Variants in HDAC9 observed in about 807,000 individuals in gnomAD.
HDAC9 encodes histone deacetylase 9.
In HDAC9, 41 loss-of-function variants were observed where a neutral mutation model predicts 139.4. That is an observed-to-expected ratio of 0.29 (90% CI 0.23 to 0.38). HDAC9 has a LOEUF of 0.38. HDAC9 is among the 10% of genes least tolerant of loss of function. The probability of loss-of-function intolerance (pLI) is 1.00; values close to 1 mark genes in which losing one functional copy is unlikely to be tolerated. For missense variants in HDAC9, 1,147 were observed against 1,297.0 expected, an observed-to-expected ratio of 0.88 and a Z score of 1.78; for synonymous variants, 517 against 476.2, an observed-to-expected ratio of 1.09 and a Z score of -1.12.
intron 1 of HDAC9, among the ~76,000 whole-genome samples, chr7:18,133,519 T>C (rs1785161140): frequency 6.6e-6 from 1 of 152,176 alleles, no homozygotes; most frequent in African/African-American, 2.4e-5. Context: ...CAGTGTGTGA[T>C]GTCTGTTTTT....
chr7:18,945,700 G>C (rs974016931), intron 23 of HDAC9, among the ~76,000 whole-genome samples: 3 of 152,052 alleles, frequency 2.0e-5, no homozygotes, highest in African/African-American at 7.2e-5. Flanking sequence ...AGGTTTGTTT[G>C]TTTCAATGTG....
At chr7:18,535,722 CAAAAAAAAAAAAAA>C (rs72123660) in intron 2 of HDAC9, among the ~76,000 whole-genome samples, 2 of 49,246 alleles carry the variant, frequency 4.1e-5, no homozygotes, top group Admixed American at 3.1e-4. Context: ...AGGCATTAAG[CAAAAAAAAAAAAAA>C]AAAAAAAAAA....
intron 1 of HDAC9, among the ~76,000 whole-genome samples, chr7:18,333,158 T>C (rs531517575): frequency 6.6e-6 from 1 of 151,594 alleles, no homozygotes; most frequent in African/African-American, 2.4e-5. Flanking sequence ...GAACAAGCCA[T>C]TAAAAACTAC....
intron 12 of HDAC9, among the ~76,000 whole-genome samples, chr7:18,688,516 G>T (rs527842057): frequency 2.0e-5 from 3 of 151,886 alleles, no homozygotes; most frequent in African/African-American, 7.2e-5. Flanking sequence ...ACTCCTGAAG[G>T]TTACATGTTT....
chr7:18,593,973 A>C lies in HDAC9; in HGVS notation c.608A>C (p.Lys203Thr). Residue 203 changes from lysine to threonine, a missense_variant, in exon 6 of 26, where the codon AAG (lysine) becomes ACG (threonine). Coordinates refer to ENST00000686413, the MANE Select transcript of HDAC9 (RefSeq NM_178425.4). ...PPLSGTSPSY[K>T]YTLPGAQDAK... ...CTTAGTGGAACATCTCCATCCTACA[A>C]GTACACATTACCAGGAGCACAAGAT... 1 of 1,612,898 alleles carries C rather than the reference A, an allele frequency of 6.2e-7. No homozygotes were observed. The highest frequency in any genetic ancestry group is 1.7e-4 in the Middle Eastern group (1 of 6,054).
chr7:18,850,081 TAA>T (rs11327408), intron 21 of HDAC9, among the ~76,000 whole-genome samples: 12 of 82,284 alleles, frequency 1.5e-4, no homozygotes, highest in Admixed American at 2.7e-4. Context: ...AAAGCCTGAG[TAA>T]AAAAAAAAAA....
At chr7:18,271,591 T>C (rs189027833) in intron 2 of HDAC9, among the ~76,000 whole-genome samples, 2 of 152,348 alleles carry the variant, frequency 1.3e-5, no homozygotes, top group East Asian at 3.9e-4. Context: ...TTCCATTTCA[T>C]GCATCCCTCA....
chr7:18,401,363 T>A (rs1296876755), intron 1 of HDAC9, among the ~76,000 whole-genome samples: 1 of 152,222 alleles, frequency 6.6e-6, no homozygotes, highest in African/African-American at 2.4e-5. Flanking sequence ...TTTGCCTCAT[T>A]TGAAGATGCA....
upstream of HDAC9, among the ~76,000 whole-genome samples, chr7:18,286,608 A>G (rs1056134272): frequency 5.3e-5 from 8 of 151,938 alleles, no homozygotes; most frequent in East Asian, 1.5e-3. Context: ...ATGTGGTCCA[A>G]GTCTTTAGCA....
intron 14 of HDAC9, among the ~76,000 whole-genome samples, chr7:18,760,027 G>C (rs1052159780): frequency 3.3e-5 from 5 of 152,154 alleles, no homozygotes; most frequent in African/African-American, 1.2e-4. Context: ...ATCAAAACAT[G>C]GGTCTGATCA....
chr7:18,770,780 T>C (rs540865604), intron 16 of HDAC9, among the ~76,000 whole-genome samples: 98 of 152,260 alleles, frequency 6.4e-4, no homozygotes, highest in African/African-American at 2.3e-3. Context: ...TTTGACATGG[T>C]TGTAAAAGTA....
At chr7:18,813,266 T>G (rs941243335) in intron 17 of HDAC9, among the ~76,000 whole-genome samples, 1 of 152,156 alleles carries the variant, frequency 6.6e-6, no homozygotes, top group Non-Finnish European at 1.5e-5. Context: ...CTTGTTTCTT[T>G]GGAGTTTAAT....
intron 11 of HDAC9, among the ~76,000 whole-genome samples, chr7:18,661,687 A>C (rs1793198002): frequency 6.6e-6 from 1 of 152,110 alleles, no homozygotes; most frequent in African/African-American, 2.4e-5. Flanking sequence ...CTCAGAAGTT[A>C]CTGTTTTATA....
At chr7:18,318,822 A>G (rs977241286) in intron 1 of HDAC9, among the ~76,000 whole-genome samples, 1 of 152,178 alleles carries the variant, frequency 6.6e-6, no homozygotes, top group African/African-American at 2.4e-5. Context: ...AATACTCCCT[A>G]TATCATAGGG....
chr7:18,955,599 C>T (rs1783093524), intron 24 of HDAC9, among the ~76,000 whole-genome samples: 1 of 152,026 alleles, frequency 6.6e-6, no homozygotes, highest in African/African-American at 2.4e-5. Flanking sequence ...GATCAATTAC[C>T]AAGGCACAGA....
intron 23 of HDAC9, among the ~76,000 whole-genome samples, chr7:18,942,815 A>T (rs1782111557): frequency 6.6e-6 from 1 of 151,984 alleles, no homozygotes; most frequent in African/African-American, 2.4e-5. Context: ...ACAAATTAGG[A>T]CTACTACTTG....
At chr7:18,812,647 C>T (rs1214810643) in intron 17 of HDAC9, among the ~76,000 whole-genome samples, 14 of 150,198 alleles carry the variant, frequency 9.3e-5, no homozygotes, top group East Asian at 3.9e-4. Flanking sequence ...TTTTTTTTTC[C>T]GGTTGAAGTA....
At chr7:18,772,261 A>G (rs1411794990) in intron 16 of HDAC9, among the ~76,000 whole-genome samples, 1 of 152,140 alleles carries the variant, frequency 6.6e-6, no homozygotes, top group African/African-American at 2.4e-5. Flanking sequence ...TTCAGGCAAT[A>G]GAACACACCG....
In HDAC9 at chr7:18,302,458, G is replaced by A. The variant is rs902164938; in HGVS notation, c.-42+11943G>A. Among the ~76,000 whole-genome samples the A allele has an allele frequency of 2.6e-5, 4 of 152,194 alleles. No individual in the cohort carries two copies. The South Asian group carries it at 8.3e-4, about 32-fold the overall frequency. The stretch of plus-strand genomic sequence containing the variant: ...AAGAAGGGCGTTAGTCTTGGAGCCA[G>A]GAAGATCTGGATTTTTACATAAGCA... On this transcript the variant is annotated intron_variant, in intron 1 of 3. Coordinates refer to the HDAC9 transcript ENST00000413509.
Sources: allele counts gnomAD v4.1 joint callset (sites outside exome capture counted in the v4.1 genomes callset), GRCh38; gene constraint gnomAD v4.1.1; transcripts MANE v1.5; gene names NCBI Gene and HGNC (gene_info 2026-07-23, HGNC 2026-07-21).